SAMD12: variants seen among roughly 807,000 people sequenced by gnomAD.
The protein encoded by SAMD12 is sterile alpha motif domain containing 12.
In SAMD12, 9 loss-of-function variants were observed where a neutral mutation model predicts 15.0. The ratio of observed to expected loss-of-function variants is 0.60; its 90% CI spans 0.36 to 1.05. The LOEUF is 1.05. Ranked by LOEUF, SAMD12 falls within the 50% of genes least tolerant of loss-of-function variation. SAMD12 has a pLI of 0.01. For synonymous variants in SAMD12, 86 were observed against 90.1 expected, an observed-to-expected ratio of 0.96 and a Z score of 0.25; for missense variants, 230 against 234.2, an observed-to-expected ratio of 0.98 and a Z score of 0.12.
At position 118,305,144 on chromosome 8, in the gene SAMD12, C is replaced by CAAA. The variant is rs56200866; in HGVS notation, c.433+74413_433+74415dup. On this transcript the variant is annotated intron_variant, in intron 4 of 4. Transcript: ENST00000409003. ...AGCCTGGGCAAAAGTGACTCCCTGT[C>CAAA]AAAAAAAAAAAAAAAAAAAAAAAAA... Among the ~76,000 whole-genome samples, 153 of 48,884 alleles carry CAAA rather than the reference C, an allele frequency of 3.1e-3. 35 individuals carry two copies. Among genetic ancestry groups the CAAA allele is most frequent in the Non-Finnish European group, 4.9e-3 (131 of 26,954 alleles). 32.1% of individuals were successfully genotyped at this position (48,884 alleles called of 152,430 possible).
At chr8:118,535,733 G>T (rs966068322) in intron 2 of SAMD12, among the ~76,000 whole-genome samples, 2 of 152,218 alleles carry the variant, frequency 1.3e-5, no homozygotes, top group Non-Finnish European at 2.9e-5. Flanking sequence ...CCATGAGCAT[G>T]GGACCCTCTG....
chr8:118,372,791 C>T (rs1219487246), intron 4 of SAMD12, among the ~76,000 whole-genome samples: 1 of 151,950 alleles, frequency 6.6e-6, no homozygotes, highest in Non-Finnish European at 1.5e-5. Context: ...TGGCAAAAAA[C>T]ACAACTACTT....
At chr8:118,159,419 A>G in the SAMD12 span, among the ~76,000 whole-genome samples, 1 of 151,344 alleles carries the variant, frequency 6.6e-6, no homozygotes, top group Non-Finnish European at 1.5e-5. Context: ...ACCTCTCACC[A>G]CTCTTTGTCT....
At chr8:118,489,725 T>G (rs1278593440) in intron 2 of SAMD12, among the ~76,000 whole-genome samples, 2 of 152,212 alleles carry the variant, frequency 1.3e-5, no homozygotes, top group East Asian at 3.8e-4. Flanking sequence ...TTAAAACATT[T>G]TTAGCTCGTA....
chr8:118,544,581 CCT>C (rs1274006799), intron 2 of SAMD12, among the ~76,000 whole-genome samples: 9 of 152,154 alleles, frequency 5.9e-5, no homozygotes, highest in African/African-American at 2.2e-4. Flanking sequence ...AGGTCACATT[CCT>C]TGAAAATCAC....
the SAMD12 span, among the ~76,000 whole-genome samples, chr8:118,177,082 C>T: frequency 2.0e-5 from 3 of 152,078 alleles, no homozygotes; most frequent in Non-Finnish European, 2.9e-5. Flanking sequence ...TGAGTGGATG[C>T]GTTTCGGGTA....
chr8:118,185,049 G>T (rs532355309), downstream of SAMD12, among the ~76,000 whole-genome samples: 1 of 151,972 alleles, frequency 6.6e-6, no homozygotes, highest in East Asian at 1.9e-4. Flanking sequence ...GGACCTATGT[G>T]CTTGTATCAT....
chr8:118,427,464 C>T (rs1332351474), intron 3 of SAMD12, among the ~76,000 whole-genome samples: 1 of 152,098 alleles, frequency 6.6e-6, no homozygotes, highest in African/African-American at 2.4e-5. Flanking sequence ...TCCCTTTTAC[C>T]CCCTACTCCA....
intron 4 of SAMD12, among the ~76,000 whole-genome samples, chr8:118,225,301 G>A (rs974586715): frequency 6.6e-6 from 1 of 152,060 alleles, no homozygotes; most frequent in East Asian, 1.9e-4. Flanking sequence ...GTAGGCACAG[G>A]TGTAAAAAAG....
intron 4 of SAMD12, among the ~76,000 whole-genome samples, chr8:118,205,800 G>A (rs995752380): frequency 6.6e-6 from 1 of 152,092 alleles, no homozygotes; most frequent in Non-Finnish European, 1.5e-5. Flanking sequence ...CCTTTCTCTG[G>A]GGAGTTTTGA....
At position 118,379,467 on chromosome 8, in the gene SAMD12, A is replaced by C; in HGVS notation, c.556T>G (p.Leu186Val). Residue 186 changes from leucine (L) to valine (V), a missense_variant, in exon 4 of 4, where the codon TTA (leucine) becomes GTA (valine). Leu to Val is a conservative substitution (Grantham distance 32). Transcript: ENST00000314727. ...ATGGAAATTCTGTGAAGAAACAATA[A>C]CAAATTCTCCCTGACTCCTGTCTGT... Reference protein sequence around the residue: ...LGQTGVRENLLLFLHRISIIE... With the variant: ...LGQTGVRENLVLFLHRISIIE... 1.9e-6 allele frequency: 3 copies of C among 1,613,818 alleles called. No individual in the cohort carries two copies. Among genetic ancestry groups the C allele is most frequent in the Non-Finnish European group, 2.5e-6 (3 of 1,179,836 alleles).
chr8:118,321,466 T>C (rs938280246), intron 4 of SAMD12, among the ~76,000 whole-genome samples: 7 of 151,526 alleles, frequency 4.6e-5, no homozygotes, highest in African/African-American at 1.7e-4. Context: ...ATACAAAAAT[T>C]AGCGGGACGT....
At chr8:118,189,547 A>T (rs1819302541) in exon 5 of SAMD12, 1 of 152,190 alleles carries the variant, frequency 6.6e-6, no homozygotes. Context: ...AAATATACAA[A>T]ATGATAAAGC....
At chr8:118,377,166 G>A (rs575780677), downstream of SAMD12, among the ~76,000 whole-genome samples, 1 of 152,234 alleles carries the variant, frequency 6.6e-6, no homozygotes, top group Non-Finnish European at 1.5e-5. Context: ...GGAGGCCAAG[G>A]TGAGCAGATC....
At chr8:118,536,445 C>G (rs57211656) in intron 2 of SAMD12, among the ~76,000 whole-genome samples, 3,657 of 119,708 alleles carry the variant, frequency 0.031, 53 homozygotes, top group African/African-American at 0.053. Context: ...GATACACAAA[C>G]ACACACACAC....
intron 2 of SAMD12, among the ~76,000 whole-genome samples, chr8:118,518,639 G>A (rs768177642): frequency 6.6e-6 from 1 of 152,066 alleles, no homozygotes; most frequent in Non-Finnish European, 1.5e-5. Context: ...AGCAACATAC[G>A]AGCCCCAGTC....
intron 4 of SAMD12, among the ~76,000 whole-genome samples, chr8:118,372,020 A>G (rs1436448574): frequency 6.6e-6 from 1 of 152,220 alleles, no homozygotes; most frequent in Non-Finnish European, 1.5e-5. Context: ...TGTGTTGAAG[A>G]GAACTGGCAT....
chr8:118,143,019 G>A, the SAMD12 span, among the ~76,000 whole-genome samples: 6 of 152,138 alleles, frequency 3.9e-5, no homozygotes, highest in Admixed American at 3.9e-4. Context: ...AACCTCTTCT[G>A]GTTGAGTAAC....
intron 4 of SAMD12, among the ~76,000 whole-genome samples, chr8:118,208,074 A>G (rs1332047351): frequency 1.3e-5 from 2 of 151,942 alleles, no homozygotes; most frequent in African/African-American, 4.8e-5. Context: ...TCTGATCAAC[A>G]TGGAGAAACC....
Sources: allele counts gnomAD v4.1 joint callset (sites outside exome capture counted in the v4.1 genomes callset), GRCh38; gene constraint gnomAD v4.1.1; transcripts MANE v1.5; gene names NCBI Gene and HGNC (gene_info 2026-07-23, HGNC 2026-07-21).